The following MYH15 variants were observed in gnomAD, a reference collection of about 807,000 sequenced individuals.
MYH15 encodes myosin heavy chain 15.
MYH15 carries 227 observed loss-of-function variants against 240.5 expected under a neutral mutation model. The observed-to-expected ratio is 0.94, with a 90% CI of 0.85 to 1.05. The LOEUF is 1.05. MYH15 is among the 50% of genes least tolerant of loss of function. The pLI is 0.00. For missense variants in MYH15, 2,217 were observed against 2,247.5 expected (o/e 0.99, Z 0.27); for synonymous variants, 785 against 796.7 (o/e 0.99, Z 0.25).
chr3:108,473,751 A>G (rs1313616874), intron 12 of MYH15, among the ~76,000 whole-genome samples: 1 of 152,230 alleles, frequency 6.6e-6, no homozygotes, highest in Non-Finnish European at 1.5e-5. Context: ...ATATCATGGA[A>G]TCATAAAATA....
rs1434339473 is a variant in MYH15 at position 108,470,179 on chromosome 3, T to C, written c.1417A>G (p.Thr473Ala). ...NSLEQLCINF[T>A]NEKLQQFFNW... ...AAGAATTGTTGTAATTTTTCATTGG[T>C]AAAATTAATGCAAAGTTGCTCAAGG... Residue 473 changes from threonine to alanine, a missense_variant, in exon 14 of 41, where the codon ACC becomes GCC. Physicochemically the swap from Thr to Ala is moderately conservative, Grantham distance 58 (BLOSUM62 0). Coordinates refer to ENST00000693548, the MANE Select transcript of MYH15 (RefSeq NM_014981.3). The C allele has an allele frequency of 1.2e-6, 2 of 1,609,722 alleles. No homozygotes were observed. Among genetic ancestry groups the C allele is most frequent in the Admixed American group, 1.7e-5 (1 of 59,334 alleles).
intron 24 of MYH15, 85 bp downstream of exon 24, chr3:108,439,652 T>C (rs2082869127): frequency 2.5e-6 from 3 of 1,200,252 alleles, no homozygotes; most frequent in Non-Finnish European, 3.3e-6. Context: ...TTTCTGAAAC[T>C]GTCAAGATAA....
intron 12 of MYH15, among the ~76,000 whole-genome samples, chr3:108,472,180 C>T (rs1334880357): frequency 6.6e-6 from 1 of 152,188 alleles, no homozygotes; most frequent in Non-Finnish European, 1.5e-5. Flanking sequence ...GAGCGCCAAC[C>T]TTTGTGCCTG....
At position 108,414,461 on chromosome 3, in the gene MYH15, G is replaced by C. The variant is rs751974602; in HGVS notation, c.3949-33C>G. ...GGACACACATTAACAAAAAGGTCAT[G>C]ACCACCATGAGCAACACAAGTCTTG... On this transcript the variant is annotated intron_variant, in intron 29 of 40. Coordinates refer to ENST00000693548, the MANE Select transcript of MYH15 (RefSeq NM_014981.3). 8.9e-6 allele frequency: 14 copies of C among 1,575,188 alleles called. 1 individual carries two copies. In the Middle Eastern group the frequency reaches 1.3e-3, roughly 146 times the overall value.
At chr3:108,528,337 A>G (rs1476941143) in intron 1 of MYH15, among the ~76,000 whole-genome samples, 1 of 152,178 alleles carries the variant, frequency 6.6e-6, no homozygotes, top group African/African-American at 2.4e-5. Flanking sequence ...TTTCTTAATA[A>G]TAAAGAATGG....
intron 11 of MYH15, among the ~76,000 whole-genome samples, chr3:108,479,515 G>A (rs2083249305): frequency 6.6e-6 from 1 of 152,172 alleles, no homozygotes; most frequent in South Asian, 2.1e-4. Flanking sequence ...AACTTTGACT[G>A]CACACTGGGG....
chr3:108,532,638 A>C (rs909904903), upstream of MYH15, among the ~76,000 whole-genome samples: 17 of 152,170 alleles, frequency 1.1e-4, no homozygotes, highest in African/African-American at 3.9e-4. Context: ...CTCTCTGTAC[A>C]CACATACAAC....
At chr3:108,484,993 A>T in intron 11 of MYH15, 98 bp downstream of exon 11, 1 of 1,300,228 alleles carries the variant, frequency 7.7e-7, no homozygotes, top group African/African-American at 1.5e-5. Context: ...ACTATTGATT[A>T]ATTTTAAGTA....
rs773055758 is a variant in MYH15, at chr3:108,441,172, G to A, written c.2744C>T (p.Ser915Leu). The stretch of plus-strand genomic sequence containing the variant: ...CTCCTCTTCTTCCTCCACCCTCTCC[G>A]ACAGCTCCTTTACTCTGGCCTCCAG... The part of the protein sequence containing the change: ...IQLEARVKEL[S>L]ERVEEEEEIN... The change falls in exon 23 of 41, where the codon TCG becomes TTG. Residue 915 changes from serine to leucine, a missense_variant. Physicochemically the swap from Ser to Leu is moderately radical, Grantham distance 145. Coordinates refer to ENST00000693548, the MANE Select transcript of MYH15 (RefSeq NM_014981.3). 2.2e-5 allele frequency: 36 copies of A among 1,613,856 alleles called. No individual in the cohort carries two copies. Among genetic ancestry groups the A allele is most frequent in the African/African-American group, 2.7e-5 (2 of 74,866 alleles).
chr3:108,403,979 A>G (rs538965613), intron 33 of MYH15, among the ~76,000 whole-genome samples: 1 of 115,434 alleles, frequency 8.7e-6, no homozygotes, highest in Non-Finnish European at 1.7e-5. Flanking sequence ...AATCAGTGTT[A>G]TTTGTTGCTT....
Position 108,456,834 on chromosome 3 carries a change from G to C in MYH15, c.2070C>G (p.Val690=), listed in dbSNP as rs748014964. The C allele has an allele frequency of 3.1e-6, 5 of 1,613,466 alleles. No individual in the cohort carries two copies. In the Middle Eastern group the frequency reaches 6.6e-4, roughly 213 times the overall value. ...LVLQQLRCNG[V]LEGTRICREG... Reference sequence around the variant, plus strand: ...CACGGCATATCCTAGTCCCTTCCAAGACACCATTACAGCGCAACTGCTGTA... The same window carrying C: ...CACGGCATATCCTAGTCCCTTCCAACACACCATTACAGCGCAACTGCTGTA... Residue 690 remains valine, a synonymous_variant, in exon 19 of 41, where the codon GTC becomes GTG. Transcript: ENST00000693548.
rs118162418 is a variant in MYH15 at position 108,385,847 on chromosome 3, C to T, written c.5536-1065G>A. ...CATTCTCCTGTTTCCCCAGAGCTCC[C>T]CTGCTCACTCTGTCCTCCTTAGGTT... is the stretch of plus-strand genomic sequence containing the variant. On this transcript the variant is annotated intron_variant, in intron 38 of 40. Transcript: ENST00000693548. Among the ~76,000 whole-genome samples the T allele has an allele frequency of 3.9e-3, 596 of 152,116 alleles. 9 individuals carry two copies. Among genetic ancestry groups the T allele is most frequent in the East Asian group, 0.034 (176 of 5,162 alleles).
In MYH15 at chr3:108,510,532, T is replaced by A. The variant is rs1409923448; in HGVS notation, c.-2A>T. ...TTCTCCAAGGTCTGACAGATCCATC[T>A]TTATTAAAGCAATCCACCAAAAAAA... On this transcript the variant is annotated 5_prime_UTR_variant, in exon 1 of 41. It adds an upstream start codon to the 5' untranslated region. Coordinates refer to ENST00000693548, the MANE Select transcript of MYH15 (RefSeq NM_014981.3). 7 of 1,613,588 alleles carry A rather than the reference T, an allele frequency of 4.3e-6. No homozygotes were observed. The highest frequency in any genetic ancestry group is 8.5e-7 in the Non-Finnish European group (1 of 1,179,810).
At chr3:108,512,019 G>A (rs556258797), upstream of MYH15, among the ~76,000 whole-genome samples, 44 of 152,236 alleles carry the variant, frequency 2.9e-4, no homozygotes, top group Middle Eastern at 3.4e-3. Context: ...CCTCACCTAT[G>A]TAATGCAAGG....
chr3:108,466,736 C>T (rs963409458), intron 14 of MYH15, among the ~76,000 whole-genome samples: 1 of 152,110 alleles, frequency 6.6e-6, no homozygotes, highest in Non-Finnish European at 1.5e-5. Flanking sequence ...CTAAAGCCCC[C>T]GCTTGTTCAC....
intron 11 of MYH15, among the ~76,000 whole-genome samples, chr3:108,481,873 C>G (rs1361784006): frequency 6.6e-6 from 1 of 152,060 alleles, no homozygotes; most frequent in Non-Finnish European, 1.5e-5. Context: ...GTGACAGGAA[C>G]GTGGGGTTTT....
At chr3:108,526,884 A>G (rs2083676632) in intron 1 of MYH15, among the ~76,000 whole-genome samples, 1 of 152,138 alleles carries the variant, frequency 6.6e-6, no homozygotes, top group South Asian at 2.1e-4. Context: ...AAAAGAATTG[A>G]AAAACAGATC....
At position 108,505,713 on chromosome 3, in the gene MYH15, AT is replaced by A. The variant is rs1319788521; in HGVS notation, c.195+9del. The A allele has an allele frequency of 6.4e-7, 1 of 1,564,604 alleles. No individual in the cohort carries two copies. The highest frequency in any genetic ancestry group is 1.4e-5 in the African/African-American group (1 of 73,496). ...TAGTCATCACTGCAATGAAATAAAA[AT>A]TTCTTTACCTCTCCATCTGCTGTCT... On this transcript the variant is annotated intron_variant, in intron 2 of 40. Transcript: ENST00000693548.
chr3:108,510,213 A>G (rs2083511230), intron 1 of MYH15, among the ~76,000 whole-genome samples: 1 of 152,134 alleles, frequency 6.6e-6, no homozygotes, highest in Admixed American at 6.5e-5. Context: ...TCAAGTGTGT[A>G]GGGCCCGGGC....
Sources: allele counts gnomAD v4.1 joint callset (sites outside exome capture counted in the v4.1 genomes callset), GRCh38; gene constraint gnomAD v4.1.1; transcripts MANE v1.5; gene names NCBI Gene and HGNC (gene_info 2026-07-23, HGNC 2026-07-21).